Variants in KCNJ14 observed in about 807,000 individuals in gnomAD.
The protein encoded by KCNJ14 is ATP-sensitive inward rectifier potassium channel 14.
KCNJ14 carries 18 observed loss-of-function variants against 24.5 expected under a neutral mutation model. The observed-to-expected ratio is 0.74, with a 90% CI of 0.51 to 1.09. The LOEUF (loss-of-function observed/expected upper bound fraction) is 1.09. Among genes scored for constraint, KCNJ14 ranks in the 50% least tolerant of loss-of-function variants. The pLI, the probability that KCNJ14 is intolerant of heterozygous loss-of-function variation, is 0.00. For missense variants in KCNJ14, 633 were observed against 623.0 expected, an observed-to-expected ratio of 1.02 and a Z score of -0.17; for synonymous variants, 288 against 270.8, an observed-to-expected ratio of 1.06 and a Z score of -0.63.
chr19:48,464,667 G>A lies in KCNJ14; in HGVS notation c.1201G>A (p.Glu401Lys), dbSNP rs1278765960. The change falls in exon 3 of 3, where the codon GAG (glutamate) becomes AAG (lysine). Residue 401 changes from glutamate (E) to lysine (K), a missense_variant. Coordinates refer to ENST00000342291, the MANE Select transcript of KCNJ14 (RefSeq NM_013348.4). ...TGAACTTGCTCTGAGCTGCTGCCAG[G>A]AGGAAGATGAGGACGATGAGACTGA... is the stretch of plus-strand genomic sequence containing the variant. ...ENELALSCCQ[E>K]EDEDDETEEG... The A allele has an allele frequency of 5.0e-6, 8 of 1,613,938 alleles. No individual in the cohort carries two copies. Among genetic ancestry groups the A allele is most frequent in the African/African-American group, 1.3e-5 (1 of 74,918 alleles).
In KCNJ14 at chr19:48,462,325, A is replaced by G; in HGVS notation, c.601A>G (p.Ser201Gly). Residue 201 changes from serine (S) to glycine (G), a missense_variant, in exon 2 of 3, where the codon AGC (serine) becomes GGC (glycine). Physicochemically the swap from Ser to Gly is moderately conservative, Grantham distance 56. Transcript: ENST00000342291. This position sits in a 1 kb window ranked among gnomAD's most constrained non-coding sequence, Gnocchi z 4.9. ...GAAGCGCAACGAGACGCTGGTCTTC[A>G]GCGAGAACGCCGTCGTGGCGCTGCG... Reference protein sequence around the residue: ...PKKRNETLVFSENAVVALRDH... With the variant: ...PKKRNETLVFGENAVVALRDH... 1 of 1,548,596 alleles carries G rather than the reference A, an allele frequency of 6.5e-7. No individual in the cohort carries two copies. The highest frequency in any genetic ancestry group is 1.2e-5 in the South Asian group (1 of 84,428).
In KCNJ14 at chr19:48,456,545, G is replaced by C. The variant is rs1162214523; in HGVS notation, c.-56+687G>C. On this transcript the variant is annotated intron_variant, in intron 1 of 2. Coordinates refer to ENST00000342291, the MANE Select transcript of KCNJ14 (RefSeq NM_013348.4). ...GGGAAGCAGGTGCAGGGCTTTGGGA[G>C]ACCCAGTTGGTGCCAAACTTGACAT... is the stretch of plus-strand genomic sequence containing the variant. 4 of 152,234 alleles carry C rather than the reference G, an allele frequency of 2.6e-5. No homozygotes were observed. In the East Asian group the frequency reaches 7.7e-4, roughly 29 times the overall value. The allele number at this position is 152,234 out of a possible 1,614,324, so 9.4% of individuals were successfully genotyped here.
chr19:48,460,102 G>A (rs1353089801), intron 1 of KCNJ14, among the ~76,000 whole-genome samples: 2 of 151,808 alleles, frequency 1.3e-5, no homozygotes, highest in African/African-American at 4.8e-5. Context: ...GCCTGTTTTT[G>A]AACCACAGCT....
chr19:48,461,665 C>A lies in KCNJ14; in HGVS notation c.-55-5C>A. 9.1e-7 allele frequency: 1 copy of A among 1,093,926 alleles called. No homozygotes were observed. The highest frequency in any genetic ancestry group is 1.2e-6 in the Non-Finnish European group (1 of 819,996). The allele number at this position is 1,093,926 out of a possible 1,614,324, so 67.8% of individuals were successfully genotyped here. A position where few individuals can be genotyped will look rare whatever the true frequency, so the allele number is the denominator to read the frequency against. ...CCTGACGTTTCTGCCGGTTTCTTGT[C>A]CCAGCAGGTTGGGGGCGCCTGCCCC... On this transcript the variant is annotated splice_polypyrimidine_tract_variant and splice_region_variant and intron_variant, in intron 1 of 2. Transcript: ENST00000342291.
At position 48,462,484 on chromosome 19, in the gene KCNJ14, TTGTGGGAGA is replaced by T; in HGVS notation, c.714+50_714+58del. The T allele has an allele frequency of 7.2e-7, 1 of 1,383,686 alleles. No homozygotes were observed. Among genetic ancestry groups the T allele is most frequent in the East Asian group, 2.5e-5 (1 of 39,228 alleles). 85.7% of individuals were successfully genotyped at this position (1,383,686 alleles called of 1,614,324 possible). A position where few individuals can be genotyped will look rare whatever the true frequency, so the allele number is the denominator to read the frequency against. The stretch of plus-strand genomic sequence containing the variant: ...GGGGACTTCCGTGAGCCCTGGGGGA[TTGTGGGAGA>T]TGTAGGCCCGAGGGCGAGGGGCGTG... On this transcript the variant is annotated intron_variant, in intron 2 of 2. Transcript: ENST00000342291. This position sits in a 1 kb window ranked among gnomAD's most constrained non-coding sequence, Gnocchi z 4.9.
rs1269301089 is a variant in KCNJ14, at chr19:48,461,651, T to C, written c.-55-19T>C. 6.5e-6 allele frequency: 6 copies of C among 929,352 alleles called. No homozygotes were observed. Among genetic ancestry groups the C allele is most frequent in the African/African-American group, 3.5e-5 (2 of 56,732 alleles). 57.6% of individuals were successfully genotyped at this position (929,352 alleles called of 1,614,324 possible). A position where few individuals can be genotyped will look rare whatever the true frequency, so the allele number is the denominator to read the frequency against. On this transcript the variant is annotated intron_variant, in intron 1 of 2. Transcript: ENST00000342291. Reference sequence around the variant, plus strand: ...CCATTCCTGTTGCCCCTGACGTTTCTGCCGGTTTCTTGTCCCAGCAGGTTG... The same window carrying C: ...CCATTCCTGTTGCCCCTGACGTTTCCGCCGGTTTCTTGTCCCAGCAGGTTG...
intron 1 of KCNJ14, among the ~76,000 whole-genome samples, chr19:48,460,248 A>AT (rs371852884): frequency 0.048 from 6,650 of 138,532 alleles, 204 homozygotes; most frequent in Non-Finnish European, 0.054. Context: ...AGTTTTATTT[A>AT]TTTATTTTTT....
At chr19:48,463,344 C>T (rs901190693) in intron 2 of KCNJ14, among the ~76,000 whole-genome samples, 1 of 152,110 alleles carries the variant, frequency 6.6e-6, no homozygotes, top group African/African-American at 2.4e-5. Flanking sequence ...TCCAGAGACA[C>T]TTACAAGAGG....
At position 48,462,457 on chromosome 19, in the gene KCNJ14, G is replaced by C. The variant is rs1489056379; in HGVS notation, c.714+19G>C. 1 of 1,450,612 alleles carries C rather than the reference G, an allele frequency of 6.9e-7. No homozygotes were observed. The highest frequency in any genetic ancestry group is 9.1e-7 in the Non-Finnish European group (1 of 1,097,166). The allele number at this position is 1,450,612 out of a possible 1,614,324, so 89.9% of individuals were successfully genotyped here. A position where few individuals can be genotyped will look rare whatever the true frequency, so the allele number is the denominator to read the frequency against. ...GCTGCAGGTGCGCCCGGGAGGAGAG[G>C]CGGGGACTTCCGTGAGCCCTGGGGG... is the stretch of plus-strand genomic sequence containing the variant. On this transcript the variant is annotated intron_variant, in intron 2 of 2. Transcript: ENST00000342291. The surrounding 1 kb of genome is among the most constrained non-coding windows in gnomAD (Gnocchi z 4.9).
chr19:48,463,173 A>T (rs1374872125), intron 2 of KCNJ14, among the ~76,000 whole-genome samples: 1 of 152,080 alleles, frequency 6.6e-6, no homozygotes, highest in Non-Finnish European at 1.5e-5. Flanking sequence ...TTGTGGTCAA[A>T]TTGCTCAAAC....
At chr19:48,461,557 T>G in intron 1 of KCNJ14, 113 bp from the exon 2 acceptor site, 1 of 329,652 alleles carries the variant, frequency 3.0e-6, no homozygotes, top group Non-Finnish European at 5.1e-6. Context: ...AAAATGCGTA[T>G]CGTTCCACCT....
intron 1 of KCNJ14, chr19:48,461,171 T>G (rs953133442): frequency 1.3e-5 from 2 of 151,526 alleles, no homozygotes; most frequent in African/African-American, 4.9e-5. Context: ...TTACAAAAAC[T>G]TAGCTAGGCA....
chr19:48,464,034 CG>C, intron 2 of KCNJ14, 146 bp from the exon 3 acceptor site: 1 of 645,884 alleles, frequency 1.5e-6, no homozygotes. Flanking sequence ...TCTGGGTTGC[CG>C]GCCCCATCTC....
rs1971532318 is a variant in KCNJ14, at chr19:48,455,823, G to A, written c.-91G>A. ...CTGTTCCCCAACTGTGAAAGGGGGT[G>A]ATGATCTTCACCTCCCGGCATCCTG... On this transcript the variant is annotated 5_prime_UTR_variant, in exon 1 of 3. Transcript: ENST00000342291. The A allele has an allele frequency of 6.6e-6, 1 of 152,334 alleles. No homozygotes were observed. The highest frequency in any genetic ancestry group is 2.4e-5 in the African/African-American group (1 of 41,456). The allele number at this position is 152,334 out of a possible 1,614,324, so 9.4% of individuals were successfully genotyped here.
chr19:48,464,679 G>A lies in KCNJ14; in HGVS notation c.1213G>A (p.Asp405Asn). ...ALSCCQEEDE[D>N]DETEEGNGVE... ...GAGCTGCTGCCAGGAGGAAGATGAG[G>A]ACGATGAGACTGAGGAAGGGAATGG... The change falls in exon 3 of 3, where the codon GAC becomes AAC. Residue 405 changes from aspartate to asparagine, a missense_variant. By Grantham distance (23) the Asp-to-Asn change is conservative. Coordinates refer to ENST00000342291, the MANE Select transcript of KCNJ14 (RefSeq NM_013348.4). 6.2e-7 allele frequency: 1 copy of A among 1,613,960 alleles called. No individual in the cohort carries two copies. Among genetic ancestry groups the A allele is most frequent in the South Asian group, 1.1e-5 (1 of 91,080 alleles).
rs752666908 is a variant in KCNJ14, at chr19:48,464,807, G to A, written c.*30G>A. The A allele has an allele frequency of 1.3e-6, 2 of 1,508,164 alleles. No individual in the cohort carries two copies. The highest frequency in any genetic ancestry group is 2.7e-5 in the African/African-American group (2 of 73,056). The allele number at this position is 1,508,164 out of a possible 1,614,324, so 93.4% of individuals were successfully genotyped here. On this transcript the variant is annotated 3_prime_UTR_variant, in exon 3 of 3. Transcript: ENST00000342291. Reference sequence around the variant, plus strand: ...AACTGATGTCCCCTTCCCCGTGTATGCCCCCTTCCCCAAGGTAGCAAGATG... The same window carrying A: ...AACTGATGTCCCCTTCCCCGTGTATACCCCCTTCCCCAAGGTAGCAAGATG...
rs750940601 is a variant in KCNJ14, at chr19:48,464,505, C to T, written c.1039C>T (p.Arg347Cys). The change falls in exon 3 of 3, where the codon CGC (arginine) becomes TGC (cysteine). Residue 347 changes from arginine to cysteine, a missense_variant. Arg to Cys is a radical substitution (Grantham distance 180). Transcript: ENST00000342291. ...QRGSQYEVDYRHFHRTYEVPG... is the reference protein window; with the variant it reads ...QRGSQYEVDYCHFHRTYEVPG... ...TGGCTCCCAGTATGAGGTCGACTAT[C>T]GCCACTTCCATCGCACTTATGAGGT... is the stretch of plus-strand genomic sequence containing the variant. 97 of 1,614,028 alleles carry T rather than the reference C, an allele frequency of 6.0e-5. No individual in the cohort carries two copies. The highest frequency in any genetic ancestry group is 6.3e-5 in the Non-Finnish European group (74 of 1,180,042).
rs1403214644 is a variant in KCNJ14, at chr19:48,462,946, C to T, written c.714+508C>T. On this transcript the variant is annotated intron_variant, in intron 2 of 2. Coordinates refer to ENST00000342291, the MANE Select transcript of KCNJ14 (RefSeq NM_013348.4). The surrounding 1 kb of genome is among the most constrained non-coding windows in gnomAD (Gnocchi z 4.9). ...AGGCCCTGGAATGGGTGCAGCTCAT[C>T]GCTGTGGAGCACAGTTCTCCAGGCC... is the stretch of plus-strand genomic sequence containing the variant. Among the ~76,000 whole-genome samples, 1 of 152,192 alleles carries T rather than the reference C, an allele frequency of 6.6e-6. No individual in the cohort carries two copies. The highest frequency in any genetic ancestry group is 1.5e-5 in the Non-Finnish European group (1 of 68,026).
In KCNJ14 at chr19:48,462,503, G is replaced by C. The variant is rs1325712006; in HGVS notation, c.714+65G>C. On this transcript the variant is annotated intron_variant, in intron 2 of 2. Coordinates refer to ENST00000342291, the MANE Select transcript of KCNJ14 (RefSeq NM_013348.4). The surrounding 1 kb of genome is among the most constrained non-coding windows in gnomAD (Gnocchi z 4.9). ...GGGGGATTGTGGGAGATGTAGGCCC[G>C]AGGGCGAGGGGCGTGCGGTCCTGGA... 1 of 1,260,604 alleles carries C rather than the reference G, an allele frequency of 7.9e-7. No individual in the cohort carries two copies. The highest frequency in any genetic ancestry group is 1.1e-6 in the Non-Finnish European group (1 of 938,302). 78.1% of individuals were successfully genotyped at this position (1,260,604 alleles called of 1,614,324 possible).
Sources: allele counts gnomAD v4.1 joint callset (sites outside exome capture counted in the v4.1 genomes callset), GRCh38; gene constraint gnomAD v4.1.1; non-coding constraint Gnocchi (gnomAD v3.1); transcripts MANE v1.5; gene names NCBI Gene and HGNC (gene_info 2026-07-23, HGNC 2026-07-21).